Variants in STK3 observed in about 807,000 individuals in gnomAD.
STK3 encodes the protein serine/threonine-protein kinase 3.
STK3 carries 41 observed loss-of-function variants against 58.0 expected under a neutral mutation model. The observed-to-expected ratio is 0.71, with a 90% CI of 0.55 to 0.92. The LOEUF is 0.92. STK3 is among the 40% of genes least tolerant of loss of function. The probability of loss-of-function intolerance (pLI) is 0.00; values close to 1 mark genes in which losing one functional copy is unlikely to be tolerated. For missense variants in STK3, 479 were observed against 602.7 expected, an observed-to-expected ratio of 0.79 and a Z score of 2.15; for synonymous variants, 170 against 191.0, an observed-to-expected ratio of 0.89 and a Z score of 0.91.
chr8:98,554,411 A>C (rs1365609439), intron 8 of STK3, among the ~76,000 whole-genome samples: 1 of 152,116 alleles, frequency 6.6e-6, no homozygotes, highest in Non-Finnish European at 1.5e-5. Flanking sequence ...ATAACATCTG[A>C]TTGGTATAAA....
At chr8:98,392,967 T>C (rs1230322410), upstream of STK3, among the ~76,000 whole-genome samples, 1 of 152,182 alleles carries the variant, frequency 6.6e-6, no homozygotes, top group African/African-American at 2.4e-5. Flanking sequence ...GATGGGCCTC[T>C]CTTCTTCCCT....
rs567929051 is a variant in STK3 at position 98,596,028 on chromosome 8, T to G, written c.822+4A>C. 3 of 1,612,552 alleles carry G rather than the reference T, an allele frequency of 1.9e-6. No individual in the cohort carries two copies. The highest frequency in any genetic ancestry group is 1.3e-5 in the African/African-American group (1 of 74,922). ...ATCCTTCCCTTCGAGGCACAAGCAC[T>G]GACCTGTAAAAGTTGTGTTGCAGTA... On this transcript the variant is annotated splice_donor_region_variant and intron_variant, in intron 7 of 10. Coordinates refer to ENST00000419617, the MANE Select transcript of STK3 (RefSeq NM_006281.4).
intron 1 of STK3, among the ~76,000 whole-genome samples, chr8:98,820,228 C>T (rs13252325): frequency 1.3e-5 from 2 of 152,214 alleles, no homozygotes; most frequent in South Asian, 2.1e-4. Context: ...CCCCAAACTA[C>T]CCTTTCACAC....
At chr8:98,919,678 AG>A (rs1839481746) in intron 1 of STK3, among the ~76,000 whole-genome samples, 1 of 152,206 alleles carries the variant, frequency 6.6e-6, no homozygotes, top group Non-Finnish European at 1.5e-5. Context: ...ATGCAATGGA[AG>A]AGTGGAGGAA....
intron 6 of STK3, among the ~76,000 whole-genome samples, chr8:98,693,028 G>T (rs1162435079): frequency 6.6e-6 from 1 of 152,160 alleles, no homozygotes; most frequent in Non-Finnish European, 1.5e-5. Flanking sequence ...TGGATCATCT[G>T]AGTGGGCCCT....
At position 98,909,117 on chromosome 8, in the gene STK3, C is replaced by T. The variant is rs186438772; in HGVS notation, c.-78-25283G>A. 3.6e-3 allele frequency among the ~76,000 whole-genome samples: 553 copies of T among 152,248 alleles called. 2 individuals are homozygous for T. Among genetic ancestry groups the T allele is most frequent in the Non-Finnish European group, 5.9e-3 (398 of 68,020 alleles). On this transcript the variant is annotated intron_variant, in intron 1 of 1. Coordinates refer to the STK3 transcript ENST00000519420. The stretch of plus-strand genomic sequence containing the variant: ...TGGATGCTGCAGTGAGCTGAGATCA[C>T]GCCACTGCACTCTAGCCTGGGCAAC...
rs1337231347 is a variant in STK3, at chr8:98,825,654, T to G, written c.-114A>C. ...CACCACAGAGGGAAACTCTGGGAAC[T>G]CGGACCAACTTTCCCGTAACTCCGC... On this transcript the variant is annotated 5_prime_UTR_variant, in exon 1 of 11. Coordinates refer to ENST00000419617, the MANE Select transcript of STK3 (RefSeq NM_006281.4). 1 of 1,195,598 alleles carries G rather than the reference T, an allele frequency of 8.4e-7. No individual in the cohort carries two copies. The highest frequency in any genetic ancestry group is 3.8e-5 in the East Asian group (1 of 25,980). 74.1% of individuals were successfully genotyped at this position (1,195,598 alleles called of 1,614,324 possible). A position where few individuals can be genotyped will look rare whatever the true frequency, so the allele number is the denominator to read the frequency against.
At chr8:98,467,678 T>C (rs1820588113) in intron 10 of STK3, among the ~76,000 whole-genome samples, 1 of 152,094 alleles carries the variant, frequency 6.6e-6, no homozygotes, top group African/African-American at 2.4e-5. Flanking sequence ...TACAGGATAG[T>C]TTCATGCTCC....
At chr8:98,474,161 T>C (rs1224482434) in intron 10 of STK3, among the ~76,000 whole-genome samples, 1 of 152,202 alleles carries the variant, frequency 6.6e-6, no homozygotes, top group Admixed American at 6.6e-5. Context: ...GTCAAATCGA[T>C]GTCCTCCTCT....
chr8:98,463,792 A>G (rs1820203721), intron 10 of STK3, among the ~76,000 whole-genome samples: 1 of 152,186 alleles, frequency 6.6e-6, no homozygotes, highest in South Asian at 2.1e-4. Context: ...GCGATTTTTA[A>G]GAAGTCAAAT....
At chr8:98,694,901 TC>T (rs1824738694) in intron 6 of STK3, among the ~76,000 whole-genome samples, 1 of 152,332 alleles carries the variant, frequency 6.6e-6, no homozygotes, top group South Asian at 2.1e-4. Flanking sequence ...GTATTTCTAG[TC>T]CTAGATCCCT....
chr8:98,667,888 C>G (rs1822491290), intron 6 of STK3, among the ~76,000 whole-genome samples: 1 of 151,936 alleles, frequency 6.6e-6, no homozygotes, highest in African/African-American at 2.4e-5. Flanking sequence ...AGTATAAATA[C>G]TTGGTTTCTA....
At chr8:98,433,063 G>GT (rs201567702) in intron 3 of STK3, among the ~76,000 whole-genome samples, 2,160 of 151,820 alleles carry the variant, frequency 0.014, 45 homozygotes, top group African/African-American at 0.048. Flanking sequence ...AAGCCTGGGT[G>GT]TTTTTTTTGT....
Position 98,428,225 on chromosome 8 carries a change from G to T in STK3, n.483+5902C>A. 6.2e-7 allele frequency: 1 copy of T among 1,614,138 alleles called. No individual in the cohort carries two copies. On this transcript the variant is annotated intron_variant and non_coding_transcript_variant, in intron 3 of 3. Transcript: ENST00000517832. The surrounding 1 kb of genome is among the most constrained non-coding windows in gnomAD (Gnocchi z 6.7). ...ACCCTGAGCTCTTCCCCTACGTGCTGCATTTCTATCACACCGGCAAGCTTC... is the reference window on the plus strand; with the variant it reads ...ACCCTGAGCTCTTCCCCTACGTGCTTCATTTCTATCACACCGGCAAGCTTC...
intron 6 of STK3, among the ~76,000 whole-genome samples, chr8:98,696,315 G>T (rs1286529868): frequency 1.3e-5 from 2 of 151,996 alleles, no homozygotes; most frequent in African/African-American, 2.4e-5. Context: ...GGGACAATTT[G>T]ACTTCCTCTT....
intron 1 of STK3, among the ~76,000 whole-genome samples, chr8:98,900,315 A>G (rs1838606937): frequency 6.6e-6 from 1 of 152,178 alleles, no homozygotes; most frequent in African/African-American, 2.4e-5. Context: ...TCCTGACCTC[A>G]AGTGATCTGC....
At position 98,496,827 on chromosome 8, in the gene STK3, T is replaced by C. The variant is rs1823171470; in HGVS notation, c.1317+29915A>G. ...CCAGGGGCTGATGGGAAAGGGGAGC[T>C]GTTATTTAGTGGGTTTAAAGTTTCA... On this transcript the variant is annotated intron_variant, in intron 10 of 10. Transcript: ENST00000419617. Among the ~76,000 whole-genome samples the C allele has an allele frequency of 2.6e-5, 4 of 152,222 alleles. No individual in the cohort carries two copies. The South Asian group carries it at 8.3e-4, about 32-fold the overall frequency.
At chr8:98,923,937 T>G (rs1366606506) in intron 1 of STK3, among the ~76,000 whole-genome samples, 1 of 151,024 alleles carries the variant, frequency 6.6e-6, no homozygotes, top group African/African-American at 2.4e-5. Flanking sequence ...AGCCAGCCAG[T>G]TCTTTTTATT....
intron 10 of STK3, among the ~76,000 whole-genome samples, chr8:98,515,842 G>T (rs1276399943): frequency 6.6e-6 from 1 of 151,658 alleles, no homozygotes; most frequent in Non-Finnish European, 1.5e-5. Context: ...TGCACAATGT[G>T]CAGGTTTGTT....
Sources: gnomAD v4.1 joint callset for allele counts (sites outside exome capture counted in the v4.1 genomes callset) on GRCh38, gnomAD v4.1.1 for gene constraint, Gnocchi (gnomAD v3.1) non-coding constraint, MANE v1.5 for transcripts, NCBI Gene and HGNC (gene_info 2026-07-23, HGNC 2026-07-21) for gene names.